FOXO3: variants seen among roughly 807,000 people sequenced by gnomAD.
FOXO3 encodes forkhead box protein O3.
In FOXO3, 4 loss-of-function variants were observed where a neutral mutation model predicts 41.9. The ratio of observed to expected loss-of-function variants is 0.10; its 90% CI spans 0.05 to 0.22. The LOEUF (loss-of-function observed/expected upper bound fraction) is 0.22, where lower values mean the gene tolerates loss of function less well. Among genes scored for constraint, FOXO3 ranks in the 10% least tolerant of loss-of-function variants. The pLI is 1.00. For missense variants in FOXO3, 534 were observed against 906.8 expected, an observed-to-expected ratio of 0.59 and a Z score of 5.28; for synonymous variants, 318 against 389.3, an observed-to-expected ratio of 0.82 and a Z score of 2.16.
chr6:108,603,509 G>A (rs1289387712), intron 1 of FOXO3, among the ~76,000 whole-genome samples: 1 of 151,916 alleles, frequency 6.6e-6, no homozygotes, highest in Admixed American at 6.6e-5. Context: ...ATATTTTCCA[G>A]TTTATCATGA....
chr6:108,645,827 T>C (rs746468066), intron 1 of FOXO3, among the ~76,000 whole-genome samples: 2 of 152,200 alleles, frequency 1.3e-5, no homozygotes, highest in Non-Finnish European at 2.9e-5. Flanking sequence ...GCTTGGAATT[T>C]TATAATTTTT....
chr6:108,635,836 TC>T (rs1276880637), intron 1 of FOXO3, among the ~76,000 whole-genome samples: 3 of 152,262 alleles, frequency 2.0e-5, no homozygotes, highest in Admixed American at 6.5e-5. Context: ...ACCTACTGCC[TC>T]TGTCAGAGGG....
chr6:108,599,936 C>T (rs1776996151), intron 1 of FOXO3, among the ~76,000 whole-genome samples: 1 of 152,196 alleles, frequency 6.6e-6, no homozygotes, highest in African/African-American at 2.4e-5. Flanking sequence ...GACCCACCTG[C>T]ATCTGTGTTG....
chr6:108,627,939 T>C (rs1777859391), intron 1 of FOXO3, among the ~76,000 whole-genome samples: 1 of 152,182 alleles, frequency 6.6e-6, no homozygotes, highest in African/African-American at 2.4e-5. Context: ...TGAGTCAGTA[T>C]ATGCATATTT....
At chr6:108,629,624 A>G (rs575462032) in intron 1 of FOXO3, among the ~76,000 whole-genome samples, 34 of 152,166 alleles carry the variant, frequency 2.2e-4, no homozygotes, top group Non-Finnish European at 4.3e-4. Flanking sequence ...TTTTTGCTTT[A>G]TAGTAAAACC....
intron 1 of FOXO3, among the ~76,000 whole-genome samples, chr6:108,634,843 T>C (rs1399253060): frequency 6.6e-6 from 1 of 152,160 alleles, no homozygotes; most frequent in East Asian, 1.9e-4. Flanking sequence ...AAAATGCAAG[T>C]ATATAACAAT....
chr6:108,660,610 T>C (rs1187770538), intron 1 of FOXO3, among the ~76,000 whole-genome samples: 1 of 152,240 alleles, frequency 6.6e-6, no homozygotes, highest in Non-Finnish European at 1.5e-5. Context: ...CTCATGCCTG[T>C]AATCCCAGCA....
chr6:108,614,751 A>T (rs1777447953), intron 1 of FOXO3, among the ~76,000 whole-genome samples: 1 of 151,190 alleles, frequency 6.6e-6, no homozygotes, highest in African/African-American at 2.4e-5. Flanking sequence ...TTTTTCAAAG[A>T]CCATTTTGTT....
intron 1 of FOXO3, among the ~76,000 whole-genome samples, chr6:108,627,591 C>G (rs1021422437): frequency 1.3e-5 from 2 of 152,030 alleles, no homozygotes; most frequent in Non-Finnish European, 2.9e-5. Flanking sequence ...TGACTAAGGG[C>G]AGAGTACCTT....
At position 108,669,134 on chromosome 6, in the gene FOXO3, C is replaced by A. The variant is rs143154445; in HGVS notation, c.*34+4245C>A. ...TCTCAAAAAATAAAAAAAATAAAAA[C>A]TAAATAAACTTGAACCCTAACATTT... On this transcript the variant is annotated intron_variant, in intron 2 of 2. Transcript: ENST00000406360. 9.0e-3 allele frequency among the ~76,000 whole-genome samples: 1,370 copies of A among 152,138 alleles called. 12 individuals are homozygous for A. The highest frequency in any genetic ancestry group is 0.02 in the Middle Eastern group (6 of 294).
chr6:108,673,410 A>C (rs748221610), intron 2 of FOXO3, among the ~76,000 whole-genome samples: 1 of 152,206 alleles, frequency 6.6e-6, no homozygotes, highest in Admixed American at 6.5e-5. Context: ...TTGTGGAGCC[A>C]CCCTGGAGTT....
intron 1 of FOXO3, among the ~76,000 whole-genome samples, chr6:108,620,415 A>G (rs1435360386): frequency 1.3e-5 from 2 of 152,080 alleles, no homozygotes; most frequent in Non-Finnish European, 2.9e-5. Context: ...TTTTTATTCC[A>G]TGTGGGATGC....
intron 1 of FOXO3, among the ~76,000 whole-genome samples, chr6:108,653,774 G>T (rs997824584): frequency 4.6e-5 from 7 of 152,136 alleles, no homozygotes; most frequent in Non-Finnish European, 1.0e-4. Flanking sequence ...CTGGAAAAAG[G>T]TGCAGCCTTA....
At chr6:108,602,132 A>G (rs1002377479) in intron 1 of FOXO3, among the ~76,000 whole-genome samples, 1 of 152,198 alleles carries the variant, frequency 6.6e-6, no homozygotes, top group Admixed American at 6.5e-5. Context: ...CTGCTGTTAT[A>G]AATATCACTG....
intron 1 of FOXO3, chr6:108,639,375 A>G: frequency 5.6e-6 from 1 of 178,746 alleles, no homozygotes; most frequent in Non-Finnish European, 1.1e-5. Context: ...ATTTCCAGGT[A>G]CCTAAAGTGT....
At chr6:108,654,157 A>AT in intron 1 of FOXO3, among the ~76,000 whole-genome samples, 1 of 151,638 alleles carries the variant, frequency 6.6e-6, no homozygotes, top group African/African-American at 2.4e-5. Context: ...TGCTGCAGGG[A>AT]GTGGGTGTGG....
chr6:108,647,212 A>G (rs1323743951), intron 1 of FOXO3, among the ~76,000 whole-genome samples: 4 of 152,252 alleles, frequency 2.6e-5, no homozygotes, highest in African/African-American at 9.6e-5. Flanking sequence ...TTTTAAAATG[A>G]TGGCTTTGGC....
At chr6:108,581,835 A>G (rs1266182857) in intron 1 of FOXO3, among the ~76,000 whole-genome samples, 1 of 152,214 alleles carries the variant, frequency 6.6e-6, no homozygotes, top group Non-Finnish European at 1.5e-5. Flanking sequence ...GGAAACTGCC[A>G]TGCCATCTTT....
chr6:108,672,576 C>G (rs1217951271), intron 2 of FOXO3, among the ~76,000 whole-genome samples: 1 of 152,090 alleles, frequency 6.6e-6, no homozygotes, highest in South Asian at 2.1e-4. Flanking sequence ...TTGCTAAAAT[C>G]CATGGCATTC....
Sources: allele counts gnomAD v4.1 joint callset (sites outside exome capture counted in the v4.1 genomes callset), GRCh38; gene constraint gnomAD v4.1.1; transcripts MANE v1.5; gene names NCBI Gene and HGNC (gene_info 2026-07-23, HGNC 2026-07-21).